Variants in AKR1C3 observed in about 807,000 individuals in gnomAD.
AKR1C3 encodes aldo-keto reductase family 1 member C3.
In AKR1C3, 48 loss-of-function variants were observed where a neutral mutation model predicts 43.6. The observed-to-expected ratio is 1.10, with a 90% CI of 0.87 to 1.40. AKR1C3 has a LOEUF of 1.40. Among genes scored for constraint, AKR1C3 ranks in the 40% most tolerant of loss-of-function variants. The pLI is 0.00. For missense variants in AKR1C3, 482 were observed against 391.2 expected, an observed-to-expected ratio of 1.23 and a Z score of -1.96; for synonymous variants, 162 against 139.6, an observed-to-expected ratio of 1.16 and a Z score of -1.13.
intron 1 of AKR1C3, among the ~76,000 whole-genome samples, chr10:5,066,045 C>T (rs1838494318): frequency 6.6e-6 from 1 of 152,266 alleles, no homozygotes; most frequent in Admixed American, 6.5e-5. Context: ...GCCTTTGTTG[C>T]ATGATCATCT....
chr10:5,083,977 A>G (rs1384969109), intron 1 of AKR1C3, among the ~76,000 whole-genome samples: 1 of 152,182 alleles, frequency 6.6e-6, no homozygotes, highest in East Asian at 1.9e-4. Context: ...TCTGGATATT[A>G]GCCCTTTGTC....
intron 1 of AKR1C3, among the ~76,000 whole-genome samples, chr10:5,068,717 CAG>C (rs1376558996): frequency 5.9e-5 from 9 of 152,090 alleles, no homozygotes; most frequent in African/African-American, 9.7e-5. Context: ...GGCAGGGACT[CAG>C]GGGGATCTTC....
chr10:5,069,489 CAT>C (rs1303008214), intron 1 of AKR1C3, among the ~76,000 whole-genome samples: 5 of 152,164 alleles, frequency 3.3e-5, no homozygotes, highest in Admixed American at 2.6e-4. Flanking sequence ...TCACTACTAA[CAT>C]AATCTTTTCC....
intron 1 of AKR1C3, among the ~76,000 whole-genome samples, chr10:5,072,608 C>A (rs1043965569): frequency 6.6e-6 from 1 of 152,154 alleles, no homozygotes; most frequent in Admixed American, 6.5e-5. Flanking sequence ...AGAAAGATAA[C>A]TTCCTATCTC....
chr10:5,077,925 C>A, intron 1 of AKR1C3: 1 of 637,098 alleles, frequency 1.6e-6, no homozygotes, highest in South Asian at 1.8e-5. Flanking sequence ...AAAATCGATT[C>A]ATCAAATGAA....
chr10:5,061,354 G>C (rs1838379287), intron 1 of AKR1C3, among the ~76,000 whole-genome samples: 1 of 152,188 alleles, frequency 6.6e-6, no homozygotes, highest in Non-Finnish European at 1.5e-5. Context: ...GGAGTCTGGA[G>C]GATGAGGGCT....
intron 1 of AKR1C3, among the ~76,000 whole-genome samples, chr10:5,071,654 T>G (rs1838614287): frequency 6.6e-6 from 1 of 152,160 alleles, no homozygotes; most frequent in African/African-American, 2.4e-5. Context: ...CAAGCCCTGT[T>G]AAAGAGCCAG....
At chr10:5,077,923 T>C (rs782095029) in intron 1 of AKR1C3, 4 of 636,924 alleles carry the variant, frequency 6.3e-6, no homozygotes, top group Middle Eastern at 2.5e-4. Context: ...GAAAAATCGA[T>C]TCATCAAATG....
intron 1 of AKR1C3, among the ~76,000 whole-genome samples, chr10:5,079,665 A>G (rs1163478458): frequency 6.6e-6 from 1 of 152,064 alleles, no homozygotes; most frequent in Non-Finnish European, 1.5e-5. Context: ...GTGTGGGGAC[A>G]GCCTTGGCTC....
At chr10:5,088,367 GT>G (rs1250644567) in intron 1 of AKR1C3, among the ~76,000 whole-genome samples, 10 of 147,368 alleles carry the variant, frequency 6.8e-5, no homozygotes, top group East Asian at 5.9e-4. Flanking sequence ...AGTCCAGAGA[GT>G]TTTTTTTTTG....
intron 1 of AKR1C3, among the ~76,000 whole-genome samples, chr10:5,049,446 C>T (rs72478265): frequency 0.063 from 9,613 of 152,056 alleles, 437 homozygotes; most frequent in East Asian, 0.16. Flanking sequence ...GAGAAAATTA[C>T]CAGAGGATAT....
intron 1 of AKR1C3, among the ~76,000 whole-genome samples, chr10:5,060,290 T>C (rs4255442): frequency 6.6e-6 from 1 of 151,934 alleles, no homozygotes; most frequent in East Asian, 1.9e-4. Flanking sequence ...TTATTCTCTT[T>C]TCTGGTCCCA....
chr10:5,069,234 G>T (rs1554781103), intron 1 of AKR1C3, among the ~76,000 whole-genome samples: 1 of 152,146 alleles, frequency 6.6e-6, no homozygotes, highest in Non-Finnish European at 1.5e-5. Flanking sequence ...TCTGGTTTCT[G>T]GGTTCTTTCT....
intron 7 of AKR1C3, chr10:5,105,328 T>C (rs74112026): frequency 0.019 from 5,144 of 272,040 alleles, 268 homozygotes; most frequent in African/African-American, 0.11. Flanking sequence ...GTGGGCACAA[T>C]GTCAGCGCTG....
At chr10:5,088,844 G>A (rs1405297890) in intron 1 of AKR1C3, among the ~76,000 whole-genome samples, 1 of 151,772 alleles carries the variant, frequency 6.6e-6, no homozygotes, top group Non-Finnish European at 1.5e-5. Flanking sequence ...TTCTGTCATG[G>A]TCTTGTTAGC....
rs193198396 is a variant in AKR1C3, at chr10:5,077,076, G to A, written c.85-19334G>A. Among the ~76,000 whole-genome samples, 39 of 152,146 alleles carry A rather than the reference G, an allele frequency of 2.6e-4. No homozygotes were observed. The East Asian group carries it at 7.4e-3, about 29-fold the overall frequency. ...ATTGAAATCTCTAGCCATTTCCCTG[G>A]TTAAACAGGATAATCTTTTTTTTTC... On this transcript the variant is annotated intron_variant, in intron 1 of 8. Coordinates refer to the AKR1C3 transcript ENST00000439082.
At chr10:5,092,569 G>A (rs572721544), upstream of AKR1C3, among the ~76,000 whole-genome samples, 1 of 147,364 alleles carries the variant, frequency 6.8e-6, no homozygotes, top group African/African-American at 2.5e-5. Context: ...TGCTCAAATT[G>A]CTGTTGAAAT....
At chr10:5,107,056 T>C (rs1004419498) in intron 8 of AKR1C3, among the ~76,000 whole-genome samples, 15 of 152,354 alleles carry the variant, frequency 9.8e-5, no homozygotes, top group South Asian at 2.1e-4. Context: ...TTTAATGCAC[T>C]GTAGCTCCTT....
intron 1 of AKR1C3, among the ~76,000 whole-genome samples, chr10:5,075,820 G>A (rs1554781774): frequency 6.6e-6 from 1 of 151,782 alleles, no homozygotes; most frequent in African/African-American, 2.4e-5. Flanking sequence ...GTTGCAGTGA[G>A]CCAAGATCAT....
Sources: gnomAD v4.1 joint callset for allele counts (sites outside exome capture counted in the v4.1 genomes callset) on GRCh38, gnomAD v4.1.1 for gene constraint, MANE v1.5 for transcripts, NCBI Gene and HGNC (gene_info 2026-07-23, HGNC 2026-07-21) for gene names.